Variants in EIF3H observed in about 807,000 individuals in gnomAD.
EIF3H encodes the protein eukaryotic translation initiation factor 3 subunit H, also known as eIF-3-gamma.
EIF3H carries 26 observed loss-of-function variants against 44.2 expected under a neutral mutation model. The ratio of observed to expected loss-of-function variants is 0.59; its 90% CI spans 0.43 to 0.82. EIF3H has a LOEUF of 0.82. Among genes scored for constraint, EIF3H ranks in the 40% least tolerant of loss-of-function variants. EIF3H has a pLI of 0.00. For missense variants in EIF3H, 359 were observed against 432.8 expected, an observed-to-expected ratio of 0.83 and a Z score of 1.51; for synonymous variants, 166 against 151.9, an observed-to-expected ratio of 1.09 and a Z score of -0.68.
At chr8:116,673,503 A>G (rs1285046417) in intron 2 of EIF3H, among the ~76,000 whole-genome samples, 1 of 152,124 alleles carries the variant, frequency 6.6e-6, no homozygotes, top group Non-Finnish European at 1.5e-5. Flanking sequence ...ATGATAACCT[A>G]AATGTTAAAA....
At chr8:116,733,236 C>T (rs1021732821) in intron 1 of EIF3H, among the ~76,000 whole-genome samples, 3 of 152,182 alleles carry the variant, frequency 2.0e-5, no homozygotes, top group African/African-American at 7.2e-5. Context: ...GGGGGCAGAG[C>T]TTCTCTGGGC....
At chr8:116,648,588 T>C (rs1373382053) in intron 6 of EIF3H, among the ~76,000 whole-genome samples, 2 of 152,268 alleles carry the variant, frequency 1.3e-5, no homozygotes, top group Non-Finnish European at 2.9e-5. Context: ...CATTACAATC[T>C]GAGCTTAACA....
intron 1 of EIF3H, among the ~76,000 whole-genome samples, chr8:116,748,608 G>A (rs1452908880): frequency 2.6e-5 from 4 of 152,172 alleles, no homozygotes; most frequent in Non-Finnish European, 4.4e-5. Flanking sequence ...TTCTATACAC[G>A]AGGTACTGTT....
intron 2 of EIF3H, among the ~76,000 whole-genome samples, chr8:116,674,889 G>GT (rs1172983313): frequency 1.3e-5 from 2 of 151,780 alleles, no homozygotes; most frequent in Non-Finnish European, 2.9e-5. Flanking sequence ...TGCAAAAAAA[G>GT]TTGTTTTTTT....
At chr8:116,747,044 G>T (rs1467204850) in intron 1 of EIF3H, among the ~76,000 whole-genome samples, 1 of 151,836 alleles carries the variant, frequency 6.6e-6, no homozygotes, top group Non-Finnish European at 1.5e-5. Flanking sequence ...GTCCTGTCTG[G>T]TTCAATAACA....
chr8:116,703,669 A>G (rs971589974), intron 2 of EIF3H, among the ~76,000 whole-genome samples: 3 of 152,140 alleles, frequency 2.0e-5, no homozygotes, highest in African/African-American at 7.2e-5. Context: ...CGGTGGACAC[A>G]TGGCTTGTGT....
upstream of EIF3H, among the ~76,000 whole-genome samples, chr8:116,758,394 C>G (rs761155831): frequency 2.6e-5 from 4 of 152,080 alleles, no homozygotes; most frequent in South Asian, 2.1e-4. Context: ...AAAAAATGGG[C>G]AAATCCATAA....
In EIF3H at chr8:116,729,065, TAA is replaced by T. The variant is rs796747695; in HGVS notation, c.133-2895_133-2894del. On this transcript the variant is annotated intron_variant, in intron 1 of 7. Coordinates refer to ENST00000521861, the MANE Select transcript of EIF3H (RefSeq NM_003756.3). Reference sequence around the variant, plus strand: ...ATCAAGACGGGATAAACTAAACTGATAAAGAGTTATTACAAACACAACTACCA... The same window carrying T: ...ATCAAGACGGGATAAACTAAACTGATAGAGTTATTACAAACACAACTACCA... Among the ~76,000 whole-genome samples the T allele has an allele frequency of 8.5e-5, 13 of 152,292 alleles. 1 individual carries two copies. Among genetic ancestry groups the T allele is most frequent in the African/African-American group, 3.1e-4 (13 of 41,576 alleles).
intron 1 of EIF3H, among the ~76,000 whole-genome samples, chr8:116,740,122 T>C (rs1458174554): frequency 6.6e-6 from 1 of 152,220 alleles, no homozygotes; most frequent in African/African-American, 2.4e-5. Flanking sequence ...TCCCAAACCA[T>C]ACCTCATACT....
chr8:116,734,308 G>A (rs1005352717), intron 1 of EIF3H: 26 of 455,920 alleles, frequency 5.7e-5, no homozygotes, highest in Non-Finnish European at 7.9e-5. Context: ...CTTCTGAGAG[G>A]ATACCTGACC....
intron 2 of EIF3H, among the ~76,000 whole-genome samples, chr8:116,720,460 ATC>A (rs113917425): frequency 2.6e-5 from 4 of 152,216 alleles, no homozygotes; most frequent in African/African-American, 4.8e-5. Context: ...AATCCATTAA[ATC>A]TCTTTTTCTT....
At chr8:116,648,410 C>G (rs1813339308) in intron 6 of EIF3H, among the ~76,000 whole-genome samples, 1 of 152,204 alleles carries the variant, frequency 6.6e-6, no homozygotes, top group Non-Finnish European at 1.5e-5. Flanking sequence ...ATTGCTTGCT[C>G]TTAATCACAA....
At chr8:116,653,436 C>T (rs529625589) in intron 5 of EIF3H, among the ~76,000 whole-genome samples, 1 of 151,274 alleles carries the variant, frequency 6.6e-6, no homozygotes, top group Admixed American at 6.6e-5. Flanking sequence ...CAGACCACTA[C>T]CAAGACCAAT....
intron 5 of EIF3H, among the ~76,000 whole-genome samples, chr8:116,649,907 T>C (rs1255239995): frequency 1.3e-5 from 2 of 152,094 alleles, no homozygotes; most frequent in East Asian, 1.9e-4. Context: ...GCCAAAAATA[T>C]TGTAGGCAAA....
At chr8:116,693,661 C>T (rs1303223728) in intron 2 of EIF3H, among the ~76,000 whole-genome samples, 3 of 151,872 alleles carry the variant, frequency 2.0e-5, no homozygotes, top group Non-Finnish European at 1.5e-5. Context: ...ACAGAGGTAA[C>T]CACTCTTTCC....
chr8:116,665,106 T>C (rs1813646822), intron 2 of EIF3H, among the ~76,000 whole-genome samples: 3 of 152,236 alleles, frequency 2.0e-5, no homozygotes, highest in African/African-American at 7.2e-5. Context: ...CCACCCATTT[T>C]GAGAGCCTCA....
In EIF3H at chr8:116,734,149, C is replaced by G. The variant is rs563016904; in HGVS notation, c.133-7977G>C. The G allele has an allele frequency of 6.3e-4, 248 of 393,824 alleles. 4 individuals are homozygous for G. The highest frequency in any genetic ancestry group is 4.3e-3 in the South Asian group (229 of 53,164). 24.4% of individuals were successfully genotyped at this position (393,824 alleles called of 1,614,324 possible). A position where few individuals can be genotyped will look rare whatever the true frequency, so the allele number is the denominator to read the frequency against. On this transcript the variant is annotated intron_variant, in intron 1 of 7. Transcript: ENST00000521861. The stretch of plus-strand genomic sequence containing the variant: ...CCTTGGAGACTCTCTAAAAGGGTGT[C>G]CAAGATCCTCACACTTTAGGAGCCA...
intron 1 of EIF3H, among the ~76,000 whole-genome samples, chr8:116,761,748 C>A (rs67676723): frequency 0.16 from 25,035 of 152,084 alleles, 2,968 homozygotes; most frequent in African/African-American, 0.34. Context: ...ACAGAAATCT[C>A]TTGAAATCTT....
chr8:116,725,415 TA>T (rs894487204), intron 2 of EIF3H, among the ~76,000 whole-genome samples: 1 of 152,200 alleles, frequency 6.6e-6, no homozygotes, highest in Non-Finnish European at 1.5e-5. Context: ...CTTTTTACAA[TA>T]AAAAGTTACA....
Sources: allele counts gnomAD v4.1 joint callset (sites outside exome capture counted in the v4.1 genomes callset), GRCh38; gene constraint gnomAD v4.1.1; transcripts MANE v1.5; gene names NCBI Gene and HGNC (gene_info 2026-07-23, HGNC 2026-07-21).